CNTN5: variants seen among roughly 807,000 people sequenced by gnomAD.
CNTN5 encodes contactin-5.
CNTN5 carries 77 observed loss-of-function variants against 129.1 expected under a neutral mutation model. That is an observed-to-expected ratio of 0.60 (90% CI 0.50 to 0.72). The LOEUF is 0.72. Among genes scored for constraint, CNTN5 ranks in the 30% least tolerant of loss-of-function variants. CNTN5 has a pLI of 0.00. For missense variants in CNTN5, 1,478 were observed against 1,328.8 expected (o/e 1.11, Z -1.75); for synonymous variants, 509 against 465.6 (o/e 1.09, Z -1.20).
chr11:99,037,081 A>T (rs748450110), intron 1 of CNTN5, among the ~76,000 whole-genome samples: 25 of 152,348 alleles, frequency 1.6e-4, no homozygotes, highest in Non-Finnish European at 2.9e-4. Flanking sequence ...GATCCAGTGG[A>T]GATCCAATGA....
At chr11:99,882,311 C>G (rs529086738) in intron 6 of CNTN5, among the ~76,000 whole-genome samples, 3 of 152,238 alleles carry the variant, frequency 2.0e-5, no homozygotes, top group African/African-American at 7.2e-5. Context: ...GCTGGACTTG[C>G]ATGAAGTGGG....
rs532915134 is a variant in CNTN5 at position 99,819,552 on chromosome 11, A to C, written c.64A>C (p.Lys22Gln). The change falls in exon 4 of 25, where the codon AAA becomes CAA. Residue 22 changes from lysine to glutamine, a missense_variant. Transcript: ENST00000524871. ...TATTTTTTCTCTTACAGAGTATTCAAAATCTCTTCCTGGTCTCTCCACTTC... is the reference window on the plus strand; with the variant it reads ...TATTTTTTCTCTTACAGAGTATTCACAATCTCTTCCTGGTCTCTCCACTTC... ...SVTMCLSEYSKSLPGLSTSYA... is the reference protein window; with the variant it reads ...SVTMCLSEYSQSLPGLSTSYA... 3.1e-6 allele frequency: 5 copies of C among 1,610,568 alleles called. No homozygotes were observed. The highest frequency in any genetic ancestry group is 4.2e-6 in the Non-Finnish European group (5 of 1,178,102).
intron 1 of CNTN5, among the ~76,000 whole-genome samples, chr11:99,168,183 A>G (rs960092157): frequency 1.3e-5 from 2 of 152,106 alleles, no homozygotes; most frequent in African/African-American, 2.4e-5. Flanking sequence ...GGCTCAAGTG[A>G]TCTGCCTGCC....
At chr11:99,775,207 C>T (rs893996243) in intron 3 of CNTN5, among the ~76,000 whole-genome samples, 6 of 152,090 alleles carry the variant, frequency 3.9e-5, no homozygotes, top group African/African-American at 1.4e-4. Flanking sequence ...GTATTTTCTG[C>T]TAGCGTAGTT....
chr11:99,190,179 C>A (rs1858564813), intron 1 of CNTN5, among the ~76,000 whole-genome samples: 1 of 151,508 alleles, frequency 6.6e-6, no homozygotes, highest in African/African-American at 2.4e-5. Context: ...ACTGTTGGCA[C>A]CTTTGTCAAA....
chr11:100,022,025 G>T (rs753830039), intron 9 of CNTN5, among the ~76,000 whole-genome samples: 1 of 152,080 alleles, frequency 6.6e-6, no homozygotes, highest in Non-Finnish European at 1.5e-5. Flanking sequence ...ATTGGATGGT[G>T]CCCACCACAT....
At chr11:99,732,401 C>G (rs1383656817) in intron 3 of CNTN5, among the ~76,000 whole-genome samples, 5 of 151,942 alleles carry the variant, frequency 3.3e-5, no homozygotes, top group East Asian at 3.9e-4. Context: ...AGTATAATAA[C>G]TGAGTACTTG....
intron 15 of CNTN5, among the ~76,000 whole-genome samples, chr11:100,223,025 T>C (rs1408621367): frequency 1.3e-5 from 2 of 152,216 alleles, no homozygotes; most frequent in Non-Finnish European, 2.9e-5. Flanking sequence ...GTTTTAAAGT[T>C]GCTTTTTCTG....
chr11:99,624,298 A>C (rs545906376), intron 3 of CNTN5, among the ~76,000 whole-genome samples: 1 of 152,230 alleles, frequency 6.6e-6, no homozygotes, highest in African/African-American at 2.4e-5. Flanking sequence ...TTTTCAAATA[A>C]AAGTACGGCC....
At chr11:100,257,689 C>G (rs557497496) in intron 17 of CNTN5, among the ~76,000 whole-genome samples, 1 of 152,268 alleles carries the variant, frequency 6.6e-6, no homozygotes, top group Non-Finnish European at 1.5e-5. Context: ...AGACCTGCAG[C>G]AGAGGGACCT....
intron 18 of CNTN5, among the ~76,000 whole-genome samples, chr11:100,293,785 C>T (rs745573966): frequency 1.3e-5 from 2 of 151,674 alleles, no homozygotes; most frequent in South Asian, 4.1e-4. Flanking sequence ...ACCACTTTAT[C>T]TACCCTAATA....
At chr11:99,651,219 C>T (rs1952143351) in intron 3 of CNTN5, among the ~76,000 whole-genome samples, 1 of 94,302 alleles carries the variant, frequency 1.1e-5, no homozygotes, top group African/African-American at 3.1e-5. Context: ...TATGTTAAAA[C>T]AGAAATCCCA....
chr11:99,046,751 T>G (rs573426180), intron 1 of CNTN5, among the ~76,000 whole-genome samples: 1 of 152,088 alleles, frequency 6.6e-6, no homozygotes, highest in Non-Finnish European at 1.5e-5. Flanking sequence ...ATAAGGAAAC[T>G]CAAATGTCTT....
At chr11:99,076,299 G>T (rs746717325) in intron 1 of CNTN5, among the ~76,000 whole-genome samples, 12 of 152,070 alleles carry the variant, frequency 7.9e-5, no homozygotes, top group Middle Eastern at 3.4e-3. Flanking sequence ...TGCACCCAGT[G>T]AACTGGGTGA....
chr11:99,189,391 CT>C (rs1249350775), intron 1 of CNTN5, among the ~76,000 whole-genome samples: 1 of 151,436 alleles, frequency 6.6e-6, no homozygotes, highest in African/African-American at 2.4e-5. Flanking sequence ...TGATTTATCT[CT>C]TTTAAAAATG....
chr11:99,193,999 T>C (rs1001905408), intron 1 of CNTN5, among the ~76,000 whole-genome samples: 2 of 152,096 alleles, frequency 1.3e-5, no homozygotes, highest in Non-Finnish European at 2.9e-5. Flanking sequence ...AAGAACAGAA[T>C]CAATAACGTA....
intron 2 of CNTN5, among the ~76,000 whole-genome samples, chr11:99,501,199 G>T (rs940421853): frequency 2.0e-5 from 3 of 152,140 alleles, no homozygotes; most frequent in African/African-American, 7.2e-5. Flanking sequence ...GCTGTTCATA[G>T]AATTGAGTTG....
intron 13 of CNTN5, among the ~76,000 whole-genome samples, chr11:100,133,897 A>G (rs1392889615): frequency 1.3e-5 from 2 of 152,134 alleles, no homozygotes; most frequent in African/African-American, 2.4e-5. Context: ...TCAATTTATA[A>G]TGTCATTTGA....
At chr11:99,532,598 A>G (rs970172525) in intron 2 of CNTN5, among the ~76,000 whole-genome samples, 2 of 152,138 alleles carry the variant, frequency 1.3e-5, no homozygotes, top group Admixed American at 1.3e-4. Context: ...GGGACCCAGG[A>G]GGAGATAATG....
Sources: allele counts gnomAD v4.1 joint callset (sites outside exome capture counted in the v4.1 genomes callset), GRCh38; gene constraint gnomAD v4.1.1; transcripts MANE v1.5; gene names NCBI Gene and HGNC (gene_info 2026-07-23, HGNC 2026-07-21).